The following PELI2 variants were observed in gnomAD, a reference collection of about 807,000 sequenced individuals.
The protein encoded by PELI2 is E3 ubiquitin-protein ligase pellino homolog 2.
Under a neutral mutation model 42.3 loss-of-function variants are expected in PELI2, and 23 were observed. The ratio of observed to expected loss-of-function variants is 0.54; its 90% CI spans 0.39 to 0.77. PELI2 has a LOEUF of 0.77. Among genes scored for constraint, PELI2 ranks in the 30% least tolerant of loss-of-function variants. The pLI, the probability that PELI2 is intolerant of heterozygous loss-of-function variation, is 0.00. For missense variants in PELI2, 463 were observed against 553.2 expected (o/e 0.84, Z 1.64); for synonymous variants, 245 against 212.2 (o/e 1.15, Z -1.34).
chr14:56,188,090 A>C (rs1015402631), intron 2 of PELI2, among the ~76,000 whole-genome samples: 1 of 152,188 alleles, frequency 6.6e-6, no homozygotes, highest in Non-Finnish European at 1.5e-5. Flanking sequence ...CCTCAGTGAG[A>C]AGTCTTTCTG....
chr14:56,172,041 TG>T (rs1313003610), intron 1 of PELI2, among the ~76,000 whole-genome samples: 1 of 152,008 alleles, frequency 6.6e-6, no homozygotes, highest in African/African-American at 2.4e-5. Flanking sequence ...AAAAAAAGAT[TG>T]GCAGGGAGAG....
chr14:56,284,874 AC>A (rs1889597685), intron 3 of PELI2, among the ~76,000 whole-genome samples: 2 of 152,092 alleles, frequency 1.3e-5, no homozygotes, highest in Admixed American at 6.5e-5. Context: ...AAATAAACAA[AC>A]CCTCTGGGCA....
At position 56,197,916 on chromosome 14, in the gene PELI2, GACAC is replaced by G. The variant is rs55861626; in HGVS notation, c.207+19481_207+19484del. ...CACACCAGGAATGGTGACTGGTGAA[GACAC>G]ACACACACACACACACACACACACA... On this transcript the variant is annotated intron_variant, in intron 2 of 5. Transcript: ENST00000267460. This position sits in a 1 kb window ranked among gnomAD's most constrained non-coding sequence, Gnocchi z 4.9. Among the ~76,000 whole-genome samples the G allele has an allele frequency of 0.3, 41,966 of 137,820 alleles. 7,588 individuals are homozygous for G. Among genetic ancestry groups the G allele is most frequent in the African/African-American group, 0.52 (18,662 of 35,628 alleles). 90.4% of individuals were successfully genotyped at this position (137,820 alleles called of 152,430 possible). A position where few individuals can be genotyped will look rare whatever the true frequency, so the allele number is the denominator to read the frequency against.
rs1890030310 is a variant in PELI2 at position 56,296,947 on chromosome 14, G to T, written c.1044G>T (p.Trp348Cys). Residue 348 changes from tryptophan to cysteine, a missense_variant, in exon 6 of 6, where the codon TGG (tryptophan) becomes TGT (cysteine). Around this residue, in one of 3 missense-constraint regions of PELI2, gnomAD observed 103 missense variants for 129.6 expected, o/e 0.80. Coordinates refer to ENST00000267460, the MANE Select transcript of PELI2 (RefSeq NM_021255.3). ...CTGTGGGCCCCTATGTGCCTCTCTG[G>T]CTTGGCTGTGAGGCAGGATTTTATG... is the stretch of plus-strand genomic sequence containing the variant. ...CRTVGPYVPL[W>C]LGCEAGFYVD... 6.2e-7 allele frequency: 1 copy of T among 1,614,092 alleles called. No individual in the cohort carries two copies. The highest frequency in any genetic ancestry group is 8.5e-7 in the Non-Finnish European group (1 of 1,179,988).
intron 1 of PELI2, among the ~76,000 whole-genome samples, chr14:56,169,326 G>C (rs1354486868): frequency 6.6e-6 from 1 of 152,212 alleles, no homozygotes; most frequent in Admixed American, 6.5e-5. Flanking sequence ...TGGAGACACA[G>C]AGCACTGTAT....
intron 1 of PELI2, among the ~76,000 whole-genome samples, chr14:56,157,301 C>T (rs761166903): frequency 1.3e-5 from 2 of 152,050 alleles, no homozygotes; most frequent in Non-Finnish European, 2.9e-5. Flanking sequence ...GAGAGTGCTT[C>T]GATTTCTTAA....
chr14:56,169,740 A>G (rs1031163541), intron 1 of PELI2, among the ~76,000 whole-genome samples: 5 of 152,126 alleles, frequency 3.3e-5, no homozygotes, highest in African/African-American at 9.7e-5. Context: ...AGGTGGGACA[A>G]TGGGTGGAGC....
At chr14:56,248,941 C>T (rs1888251309) in intron 2 of PELI2, among the ~76,000 whole-genome samples, 1 of 152,144 alleles carries the variant, frequency 6.6e-6, no homozygotes, top group African/African-American at 2.4e-5. Context: ...GGTTAATGGT[C>T]ATTTCAAAAA....
At chr14:56,142,158 G>C (rs956388096) in intron 1 of PELI2, among the ~76,000 whole-genome samples, 1 of 152,110 alleles carries the variant, frequency 6.6e-6, no homozygotes, top group Admixed American at 6.5e-5. Context: ...ACCCTTTAAA[G>C]TTAAAACAAA....
At chr14:56,167,079 G>A (rs889203986) in intron 1 of PELI2, among the ~76,000 whole-genome samples, 5 of 152,126 alleles carry the variant, frequency 3.3e-5, no homozygotes, top group African/African-American at 4.8e-5. Flanking sequence ...GTGAGCCACC[G>A]CGCCTGGCCT....
chr14:56,128,098 A>G (rs1345465056), intron 1 of PELI2, among the ~76,000 whole-genome samples: 1 of 152,202 alleles, frequency 6.6e-6, no homozygotes, highest in African/African-American at 2.4e-5. Flanking sequence ...TTGCCTGTAC[A>G]TACTAGGAAT....
chr14:56,147,852 A>C (rs1441992362), intron 1 of PELI2, among the ~76,000 whole-genome samples: 1 of 152,196 alleles, frequency 6.6e-6, no homozygotes, highest in Non-Finnish European at 1.5e-5. Flanking sequence ...GTTATTACCC[A>C]TGTGGCGTTT....
rs117552668 is a variant in PELI2 at position 56,179,156 on chromosome 14, A to T, written c.207+692A>T. Among the ~76,000 whole-genome samples the T allele has an allele frequency of 7.3e-3, 1,114 of 152,354 alleles. 8 individuals carry two copies. Among genetic ancestry groups the T allele is most frequent in the Middle Eastern group, 0.017 (5 of 294 alleles). The stretch of plus-strand genomic sequence containing the variant: ...TTATTCCAATTGATATATGTTACAT[A>T]GTCGATTTATTACAGTGTTTCTTTA... On this transcript the variant is annotated intron_variant, in intron 2 of 5. Transcript: ENST00000267460.
chr14:56,183,284 G>A (rs573993002), intron 2 of PELI2, among the ~76,000 whole-genome samples: 2 of 152,164 alleles, frequency 1.3e-5, no homozygotes, highest in South Asian at 2.1e-4. Flanking sequence ...TTAATACTGT[G>A]CAGGAATATA....
intron 2 of PELI2, among the ~76,000 whole-genome samples, chr14:56,230,658 A>G (rs1887527241): frequency 6.6e-6 from 1 of 152,226 alleles, no homozygotes; most frequent in Non-Finnish European, 1.5e-5. Context: ...GCCAAATTGT[A>G]AAGACCATTG....
intron 2 of PELI2, among the ~76,000 whole-genome samples, chr14:56,258,294 C>A (rs1296655184): frequency 2.0e-5 from 3 of 151,760 alleles, no homozygotes; most frequent in African/African-American, 7.3e-5. Flanking sequence ...GAACCGCCCC[C>A]CCACCCCCGC....
At chr14:56,283,677 G>T (rs1481532162) in intron 3 of PELI2, among the ~76,000 whole-genome samples, 1 of 152,160 alleles carries the variant, frequency 6.6e-6, no homozygotes, top group Non-Finnish European at 1.5e-5. Context: ...AAGAGAAGAG[G>T]CATTAGGGGC....
chr14:56,299,219 T>C lies in PELI2; in HGVS notation c.*2053T>C, dbSNP rs1890101671. ...TTTTACCTACCAAGAAAAAAAGATA[T>C]TTTTCCAGAGAGTTAGGTATATCAT... is the stretch of plus-strand genomic sequence containing the variant. On this transcript the variant is annotated 3_prime_UTR_variant, in exon 6 of 6. Transcript: ENST00000267460. 2 of 152,206 alleles carry C rather than the reference T, an allele frequency of 1.3e-5. No homozygotes were observed. Among genetic ancestry groups the C allele is most frequent in the African/African-American group, 2.4e-5 (1 of 41,446 alleles). 9.4% of individuals were successfully genotyped at this position (152,206 alleles called of 1,614,324 possible).
chr14:56,158,042 T>C (rs1163301138), intron 1 of PELI2, among the ~76,000 whole-genome samples: 2 of 152,212 alleles, frequency 1.3e-5, no homozygotes, highest in Non-Finnish European at 2.9e-5. Context: ...CTTCTTCTTA[T>C]TTTGAGATGT....
Sources: allele counts gnomAD v4.1 joint callset (sites outside exome capture counted in the v4.1 genomes callset), GRCh38; gene constraint gnomAD v4.1.1; regional missense constraint gnomAD v4.1.1; non-coding constraint Gnocchi (gnomAD v3.1); transcripts MANE v1.5; gene names NCBI Gene and HGNC (gene_info 2026-07-23, HGNC 2026-07-21).